Variants in CDK5RAP2 observed in about 807,000 individuals in gnomAD.
The protein encoded by CDK5RAP2 is CDK5 regulatory subunit-associated protein 2.
In CDK5RAP2, 147 loss-of-function variants were observed where a neutral mutation model predicts 232.9. That is an observed-to-expected ratio of 0.63 (90% CI 0.55 to 0.72). The LOEUF is 0.72. Among genes scored for constraint, CDK5RAP2 ranks in the 30% least tolerant of loss-of-function variants. CDK5RAP2 has a pLI of 0.00. For synonymous variants in CDK5RAP2, 833 were observed against 833.7 expected, an observed-to-expected ratio of 1.00 and a Z score of 0.01; for missense variants, 2,195 against 2,231.5, an observed-to-expected ratio of 0.98 and a Z score of 0.33.
chr9:120,451,855 ATATAT>A (rs1484732072), intron 21 of CDK5RAP2, among the ~76,000 whole-genome samples: 7 of 147,042 alleles, frequency 4.8e-5, no homozygotes, highest in Non-Finnish European at 7.4e-5. Context: ...ATGAGATTAT[ATATAT>A]TATATATTAT....
chr9:120,511,481 C>A (rs991139453), intron 12 of CDK5RAP2, among the ~76,000 whole-genome samples: 1 of 152,186 alleles, frequency 6.6e-6, no homozygotes, highest in African/African-American at 2.4e-5. Context: ...TGGCCCCATG[C>A]AGAATTGCTT....
intron 35 of CDK5RAP2, among the ~76,000 whole-genome samples, chr9:120,394,848 TG>T (rs1389168107): frequency 3.3e-5 from 5 of 152,126 alleles, no homozygotes; most frequent in African/African-American, 1.2e-4. Context: ...TGACCTCTGG[TG>T]GAAGTGCGGG....
At chr9:120,419,160 A>G (rs2034415215) in intron 27 of CDK5RAP2, among the ~76,000 whole-genome samples, 1 of 152,226 alleles carries the variant, frequency 6.6e-6, no homozygotes, top group Non-Finnish European at 1.5e-5. Flanking sequence ...GCAGTCTGCA[A>G]CCTGGAAGAA....
intron 36 of CDK5RAP2, 24 bp from the exon 37 acceptor site, chr9:120,389,811 A>G (rs375702727): frequency 1.9e-6 from 3 of 1,611,940 alleles, no homozygotes; most frequent in South Asian, 1.1e-5. Flanking sequence ...AAAGAATGCA[A>G]TGATTAGGGC....
intron 4 of CDK5RAP2, among the ~76,000 whole-genome samples, chr9:120,549,617 G>A (rs995370943): frequency 1.3e-5 from 2 of 152,266 alleles, no homozygotes; most frequent in South Asian, 4.2e-4. Context: ...CCACGGCACA[G>A]GACTGTCATG....
chr9:120,520,836 C>A (rs1354333570), intron 11 of CDK5RAP2, among the ~76,000 whole-genome samples: 1 of 150,344 alleles, frequency 6.7e-6, no homozygotes, highest in Non-Finnish European at 1.5e-5. Flanking sequence ...CTCATATGAG[C>A]TGTATCTCAT....
chr9:120,404,424 C>A (rs2033294479), intron 32 of CDK5RAP2, among the ~76,000 whole-genome samples: 1 of 152,192 alleles, frequency 6.6e-6, no homozygotes, highest in African/African-American at 2.4e-5. Flanking sequence ...GGCACTACCC[C>A]CAACTTGGCT....
chr9:120,574,795 C>T (rs571816947), intron 1 of CDK5RAP2, among the ~76,000 whole-genome samples: 54 of 147,934 alleles, frequency 3.7e-4, no homozygotes, highest in African/African-American at 1.1e-3. Flanking sequence ...AGTCTTTCTG[C>T]GGCTGGTGGT....
chr9:120,452,915 A>C (rs2036554695), intron 21 of CDK5RAP2, among the ~76,000 whole-genome samples: 1 of 152,096 alleles, frequency 6.6e-6, no homozygotes, highest in Non-Finnish European at 1.5e-5. Context: ...AATATAGATG[A>C]AGCCCTCAGA....
At chr9:120,574,606 T>C (rs1412480826) in intron 1 of CDK5RAP2, among the ~76,000 whole-genome samples, 1 of 152,170 alleles carries the variant, frequency 6.6e-6, no homozygotes, top group African/African-American at 2.4e-5. Context: ...AGTACCAGTT[T>C]CCTCACGTGC....
At chr9:120,396,551 A>C (rs1207672304) in intron 35 of CDK5RAP2, among the ~76,000 whole-genome samples, 1 of 152,134 alleles carries the variant, frequency 6.6e-6, no homozygotes, top group Admixed American at 6.5e-5. Flanking sequence ...TAGGATGGCT[A>C]CTGCTCCTCT....
chr9:120,477,534 T>C, intron 14 of CDK5RAP2, 84 bp from the exon 15 acceptor site: 8 of 1,079,314 alleles, frequency 7.4e-6, no homozygotes, highest in Non-Finnish European at 1.1e-5. Context: ...ATGTAGCTAG[T>C]CCCAGTTTTT....
In CDK5RAP2 at chr9:120,447,922, G is replaced by A; in HGVS notation, c.2998C>T (p.Pro1000Ser). The A allele has an allele frequency of 1.2e-6, 2 of 1,614,092 alleles. No homozygotes were observed. The highest frequency in any genetic ancestry group is 1.7e-6 in the Non-Finnish European group (2 of 1,179,970). The change falls in exon 22 of 38, where the codon CCA (proline) becomes TCA (serine). Residue 1000 changes from proline (P) to serine (S), a missense_variant. Transcript: ENST00000349780. ...ILAEAVMEGRPTPDKTLLNAQ... is the reference protein window; with the variant it reads ...ILAEAVMEGRSTPDKTLLNAQ... ...TTCAGCAACGTTTTGTCGGGCGTTG[G>A]CCTCCCCTCCATCACTGCTTCAGCC...
chr9:120,547,741 C>A (rs1436193954), intron 4 of CDK5RAP2, among the ~76,000 whole-genome samples: 1 of 152,070 alleles, frequency 6.6e-6, no homozygotes, highest in Admixed American at 6.6e-5. Context: ...GGTGTGTGAA[C>A]AAAAGGACAT....
chr9:120,389,008 A>G lies in CDK5RAP2; in HGVS notation c.*228T>C, dbSNP rs2031659119. On this transcript the variant is annotated 3_prime_UTR_variant, in exon 38 of 38. Transcript: ENST00000349780. ...CCGGTGCCTGCCCCTGATCTGAAATACAACATCCAAGAGCTCGAGGCCTTT... is the reference window on the plus strand; with the variant it reads ...CCGGTGCCTGCCCCTGATCTGAAATGCAACATCCAAGAGCTCGAGGCCTTT... 3.4e-6 allele frequency: 2 copies of G among 595,564 alleles called. No individual in the cohort carries two copies. The highest frequency in any genetic ancestry group is 5.9e-6 in the Non-Finnish European group (2 of 336,264). The allele number at this position is 595,564 out of a possible 1,614,324, so 36.9% of individuals were successfully genotyped here. A position where few individuals can be genotyped will look rare whatever the true frequency, so the allele number is the denominator to read the frequency against.
chr9:120,409,015 C>A, intron 30 of CDK5RAP2, 112 bp downstream of exon 30: 1 of 954,302 alleles, frequency 1.0e-6, no homozygotes, highest in South Asian at 1.3e-5. Flanking sequence ...TTTGTGTCTA[C>A]TGCCTGCCAC....
intron 14 of CDK5RAP2, among the ~76,000 whole-genome samples, chr9:120,478,674 G>T (rs1246826579): frequency 6.6e-6 from 1 of 152,162 alleles, no homozygotes; most frequent in Non-Finnish European, 1.5e-5. Context: ...CCAGCTATTT[G>T]GGAGGCTAAG....
intron 28 of CDK5RAP2, among the ~76,000 whole-genome samples, chr9:120,413,815 G>GAGGAGGGAGGAGGGAGGAGGGAGGAGGGA (rs2034013246): frequency 8.1e-6 from 1 of 124,194 alleles, no homozygotes; most frequent in South Asian, 2.5e-4. Flanking sequence ...AGCGAGGAGG[G>GAGGAGGGAGGAGGGAGGAGGGAGGAGGGA]AGGAGGGAGG....
Position 120,579,914 on chromosome 9 carries a change from C to G in CDK5RAP2, c.59+6G>C, listed in dbSNP as rs1338864435. The G allele has an allele frequency of 1.9e-6, 3 of 1,611,852 alleles. No individual in the cohort carries two copies. Among genetic ancestry groups the G allele is most frequent in the East Asian group, 4.5e-5 (2 of 44,876 alleles). On this transcript the variant is annotated splice_donor_region_variant and intron_variant, in intron 1 of 37. Transcript: ENST00000349780. ...GTTACCACGACCACCAATGCCCCGG[C>G]CGCACCTGCAGCCGCTGAGCGTCCC...
Sources: gnomAD v4.1 joint callset for allele counts (sites outside exome capture counted in the v4.1 genomes callset) on GRCh38, gnomAD v4.1.1 for gene constraint, MANE v1.5 for transcripts, NCBI Gene and HGNC (gene_info 2026-07-23, HGNC 2026-07-21) for gene names.